Variants in ADA2 observed in about 807,000 individuals in gnomAD.
ADA2 encodes adenosine deaminase CECR1.
Under a neutral mutation model 44.2 loss-of-function variants are expected in ADA2, and 29 were observed. That is an observed-to-expected ratio of 0.66 (90% confidence interval 0.49 to 0.89). ADA2 has a LOEUF of 0.89. Among genes scored for constraint, ADA2 ranks in the 40% least tolerant of loss-of-function variants. The pLI is 0.00. For synonymous variants in ADA2, 215 were observed against 234.9 expected, an observed-to-expected ratio of 0.92 and a Z score of 0.77; for missense variants, 637 against 644.8, an observed-to-expected ratio of 0.99 and a Z score of 0.13.
intron 2 of ADA2, among the ~76,000 whole-genome samples, chr22:17,207,587 C>T (rs2062369372): frequency 6.6e-6 from 1 of 152,046 alleles, no homozygotes; most frequent in Non-Finnish European, 1.5e-5. Context: ...ATGGGGCTTC[C>T]ATGTCTCACT....
chr22:17,181,882 C>A lies in ADA2; in HGVS notation c.1380G>T (p.Met460Ile), dbSNP rs779529433. 27 of 1,614,016 alleles carry A rather than the reference C, an allele frequency of 1.7e-5. No homozygotes were observed. Among genetic ancestry groups the A allele is most frequent in the Non-Finnish European group, 2.3e-5 (27 of 1,180,004 alleles). Reference protein sequence around the residue: ...GLSYDFYEVFMGIGGMKADLR... With the variant: ...GLSYDFYEVFIGIGGMKADLR... ...GGTCAGCCTTCATCCCCCCAATGCCCATGAAGACCTCATAGAAATCATAGG... is the reference window on the plus strand; with the variant it reads ...GGTCAGCCTTCATCCCCCCAATGCCAATGAAGACCTCATAGAAATCATAGG... Residue 460 changes from methionine (M) to isoleucine (I), a missense_variant, in exon 9 of 10, where the codon ATG becomes ATT. Transcript: ENST00000399837.
Position 17,203,649 on chromosome 22 carries a change from C to T in ADA2, c.667G>A (p.Val223Met), listed in dbSNP as rs761537217. Residue 223 changes from valine to methionine, a missense_variant, in exon 4 of 10, where the codon GTG (valine) becomes ATG (methionine). Val to Met is a conservative substitution (Grantham distance 21). Transcript: ENST00000399837. ...TISGLIHYAP[V>M]FRDYVFRSMQ... The stretch of plus-strand genomic sequence containing the variant: ...CTCCGGAAGACATAGTCTCTGAACA[C>T]TGGTGCGTAATGGATGAGACCAGAG... 6.2e-7 allele frequency: 1 copy of T among 1,614,106 alleles called. No individual in the cohort carries two copies. The highest frequency in any genetic ancestry group is 8.5e-7 in the Non-Finnish European group (1 of 1,179,952).
intron 1 of ADA2, among the ~76,000 whole-genome samples, chr22:17,210,140 T>A (rs1323883250): frequency 6.6e-6 from 1 of 151,942 alleles, no homozygotes; most frequent in Non-Finnish European, 1.5e-5. Flanking sequence ...TCTGCCCGCC[T>A]GGGCCTCCCA....
chr22:17,214,193 T>C, intron 1 of ADA2: 1 of 595,442 alleles, frequency 1.7e-6, no homozygotes, highest in Middle Eastern at 5.4e-4. Flanking sequence ...CATCGAGGGT[T>C]GGCAAAAGGC....
At chr22:17,201,824 T>A (rs2062290834) in intron 4 of ADA2, among the ~76,000 whole-genome samples, 1 of 152,170 alleles carries the variant, frequency 6.6e-6, no homozygotes, top group Admixed American at 6.6e-5. Flanking sequence ...CTAACCTCAG[T>A]TATCCTTTGC....
At chr22:17,184,750 G>T (rs2123615249) in intron 7 of ADA2, among the ~76,000 whole-genome samples, 1 of 150,698 alleles carries the variant, frequency 6.6e-6, no homozygotes, top group South Asian at 2.1e-4. Context: ...GCAACATAGA[G>T]ACACCCTGTC....
At chr22:17,181,729 A>G (rs774380287) in intron 9 of ADA2, 91 bp downstream of exon 9, 4 of 1,192,618 alleles carry the variant, frequency 3.4e-6, no homozygotes, top group Non-Finnish European at 5.0e-6. Flanking sequence ...CACAGGAACC[A>G]TCGAGGCATC....
At chr22:17,184,079 C>T (rs1433021328) in intron 7 of ADA2, among the ~76,000 whole-genome samples, 1 of 150,562 alleles carries the variant, frequency 6.6e-6, no homozygotes, top group African/African-American at 2.4e-5. Flanking sequence ...CCTGCCTCAG[C>T]CTCCCAAGTA....
intron 7 of ADA2, among the ~76,000 whole-genome samples, chr22:17,183,061 G>A (rs2061991922): frequency 6.6e-6 from 1 of 152,104 alleles, no homozygotes; most frequent in Admixed American, 6.6e-5. Context: ...CACACAGTAA[G>A]TAGCAAAACC....
intron 3 of ADA2, among the ~76,000 whole-genome samples, chr22:17,204,946 C>G (rs1039385970): frequency 2.2e-4 from 34 of 151,986 alleles, no homozygotes; most frequent in African/African-American, 6.8e-4. Context: ...TAGGTGTACA[C>G]CACCACATCT....
chr22:17,221,823 G>A (rs2062525727), upstream of ADA2: 1 of 152,212 alleles, frequency 6.6e-6, no homozygotes, highest in Non-Finnish European at 1.5e-5. Flanking sequence ...CATTCAGAAG[G>A]GGCCATTTAT....
intron 4 of ADA2, among the ~76,000 whole-genome samples, chr22:17,195,233 C>T (rs2062174650): frequency 6.6e-6 from 1 of 152,144 alleles, no homozygotes; most frequent in African/African-American, 2.4e-5. Context: ...ATAGCAAATT[C>T]TTAGGCCGGG....
At chr22:17,220,257 A>G (rs764097259), upstream of ADA2, among the ~76,000 whole-genome samples, 1 of 152,096 alleles carries the variant, frequency 6.6e-6, no homozygotes, top group African/African-American at 2.4e-5. Flanking sequence ...GAGGTAGGAG[A>G]CAAGAGCTGG....
intron 4 of ADA2, among the ~76,000 whole-genome samples, chr22:17,192,286 G>A (rs1296489057): frequency 6.6e-6 from 1 of 152,094 alleles, no homozygotes; most frequent in Non-Finnish European, 1.5e-5. Context: ...TGGCACACGC[G>A]AGGGTAGGTG....
chr22:17,193,011 A>G (rs1476754644), intron 4 of ADA2: 2 of 654,986 alleles, frequency 3.1e-6, no homozygotes, highest in East Asian at 2.9e-5. Context: ...TAACTGGCGG[A>G]AACCCAGAGG....
At chr22:17,199,424 C>CCCCTCCTCTATCCTCTTCCCCTCCCTG in intron 4 of ADA2, 1 of 962,414 alleles carries the variant, frequency 1.0e-6, no homozygotes, top group South Asian at 1.3e-5. Flanking sequence ...TCTCCTCCCT[C>CCCCTCCTCTATCCTCTTCCCCTCCCTG]CCCTCCTCTA....
intron 1 of ADA2, among the ~76,000 whole-genome samples, chr22:17,216,058 G>A (rs1048811026): frequency 1.3e-5 from 2 of 151,634 alleles, no homozygotes; most frequent in African/African-American, 4.9e-5. Context: ...GTGGTGGCGT[G>A]CACCTGTAAT....
At position 17,182,036 on chromosome 22, in the gene ADA2, G is replaced by C. The variant is rs746394863; in HGVS notation, c.1240-14C>G. 2.5e-6 allele frequency: 4 copies of C among 1,604,658 alleles called. No homozygotes were observed. The Admixed American group carries it at 5.0e-5, about 20-fold the overall frequency. On this transcript the variant is annotated splice_polypyrimidine_tract_variant and intron_variant, in intron 8 of 9. Transcript: ENST00000399837. ...CAGTTTCAGCACCTGCGCAATAGGA[G>C]GGAAGGGAGAAAGATGAACTCTGAT...
chr22:17,196,594 C>T (rs1252586659), intron 4 of ADA2, among the ~76,000 whole-genome samples: 1 of 152,136 alleles, frequency 6.6e-6, no homozygotes, highest in East Asian at 1.9e-4. Flanking sequence ...ACTGAGTCTC[C>T]TGCCCACACC....
Sources: gnomAD v4.1 joint callset for allele counts (sites outside exome capture counted in the v4.1 genomes callset) on GRCh38, gnomAD v4.1.1 for gene constraint, MANE v1.5 for transcripts, NCBI Gene and HGNC (gene_info 2026-07-23, HGNC 2026-07-21) for gene names.